The following CERT1 variants were observed in gnomAD, a reference collection of about 807,000 sequenced individuals.
CERT1 encodes the protein ceramide transfer protein.
A neutral mutation model predicts 87.9 loss-of-function variants in CERT1; 31 were observed. The observed-to-expected ratio is 0.35, with a 90% CI of 0.27 to 0.48. CERT1 has a LOEUF of 0.48. Ranked by LOEUF, CERT1 falls within the 20% of genes least tolerant of loss-of-function variation. CERT1 has a pLI of 0.99. For synonymous variants in CERT1, 289 were observed against 250.9 expected (o/e 1.15, Z -1.44); for missense variants, 487 against 758.0 (o/e 0.64, Z 4.20).
intron 5 of CERT1, among the ~76,000 whole-genome samples, chr5:75,420,983 A>T (rs773039727): frequency 5.3e-5 from 8 of 152,100 alleles, no homozygotes; most frequent in Admixed American, 2.6e-4. Context: ...CAGCCCAGCT[A>T]ATTTTTGTAG....
chr5:75,424,286 T>TGA (rs768826445), intron 5 of CERT1, among the ~76,000 whole-genome samples: 2 of 151,944 alleles, frequency 1.3e-5, no homozygotes, highest in African/African-American at 4.8e-5. Flanking sequence ...AGGGAGAGAC[T>TGA]GAGAGAGAGA....
intron 2 of CERT1, among the ~76,000 whole-genome samples, chr5:75,499,642 G>A (rs187060490): frequency 2.0e-5 from 3 of 152,270 alleles, no homozygotes; most frequent in Admixed American, 2.0e-4. Context: ...ACACAGTTAA[G>A]GTCTGAACCC....
Position 75,425,584 on chromosome 5 carries a change from AG to A in CERT1, c.457-86del. 8.9e-6 allele frequency: 12 copies of A among 1,354,836 alleles called. 1 individual carries two copies. In the Middle Eastern group the frequency reaches 2.2e-3, roughly 252 times the overall value. 83.9% of individuals were successfully genotyped at this position (1,354,836 alleles called of 1,614,324 possible). ...TCCTATGGTATTTCATCAACTTTTA[AG>A]GTCTGCACCTTATAACTGAGGGCAT... On this transcript the variant is annotated intron_variant, in intron 4 of 16. Transcript: ENST00000643780.
At chr5:75,503,916 A>AATTAAACATTTAAATTTGTTGTTT (rs1374804245) in intron 2 of CERT1, among the ~76,000 whole-genome samples, 1 of 151,672 alleles carries the variant, frequency 6.6e-6, no homozygotes, top group Admixed American at 6.6e-5. Context: ...GTTTAATTTA[A>AATTAAACATTTAAATTTGTTGTTT]AATTTTCTTT....
At chr5:75,462,588 G>GA (rs1479771952) in intron 2 of CERT1, among the ~76,000 whole-genome samples, 2 of 151,466 alleles carry the variant, frequency 1.3e-5, no homozygotes, top group Non-Finnish European at 3.0e-5. Context: ...CGATCTAAAG[G>GA]AAAAAAAGAC....
intron 2 of CERT1, among the ~76,000 whole-genome samples, chr5:75,480,608 C>CT (rs980676642): frequency 6.6e-6 from 1 of 152,208 alleles, no homozygotes; most frequent in African/African-American, 2.4e-5. Flanking sequence ...GGTCTCCAGA[C>CT]TTTTTTACTC....
chr5:75,511,302 G>A lies in CERT1; in HGVS notation c.-95C>T. 1.3e-6 allele frequency: 2 copies of A among 1,557,138 alleles called. No homozygotes were observed. Among genetic ancestry groups the A allele is most frequent in the South Asian group, 1.2e-5 (1 of 85,184 alleles). ...TCGGGGTGAAGGGTCGGGGGATGGC[G>A]AAGCGAAGAGTGCCCGCTCCGGTGT... On this transcript the variant is annotated 5_prime_UTR_variant, in exon 1 of 17. Coordinates refer to ENST00000643780, the MANE Select transcript of CERT1 (RefSeq NM_001379029.1).
intron 2 of CERT1, among the ~76,000 whole-genome samples, chr5:75,488,023 A>G (rs1766605182): frequency 6.6e-6 from 1 of 152,084 alleles, no homozygotes; most frequent in South Asian, 2.1e-4. Flanking sequence ...GAACTCATGA[A>G]AACAGAAAGT....
intron 3 of CERT1, among the ~76,000 whole-genome samples, chr5:75,451,010 C>A (rs1019470580): frequency 2.0e-5 from 3 of 152,150 alleles, no homozygotes; most frequent in African/African-American, 7.2e-5. Context: ...TCAAATACTG[C>A]AGGCAGGAAA....
intron 2 of CERT1, among the ~76,000 whole-genome samples, chr5:75,498,688 C>T (rs570614549): frequency 6.6e-6 from 1 of 152,340 alleles, no homozygotes; most frequent in South Asian, 2.1e-4. Flanking sequence ...CCTGGATGTC[C>T]AGGCATTAGT....
chr5:75,481,338 C>T (rs1159515847), intron 2 of CERT1, among the ~76,000 whole-genome samples: 2 of 152,288 alleles, frequency 1.3e-5, no homozygotes, highest in South Asian at 4.1e-4. Flanking sequence ...CACAGTTTTA[C>T]ATCCCTGAAA....
chr5:75,490,811 G>T (rs182717414), intron 2 of CERT1, among the ~76,000 whole-genome samples: 184 of 152,140 alleles, frequency 1.2e-3, no homozygotes, highest in African/African-American at 4.0e-3. Context: ...ATTTTCATTT[G>T]ACTCTATTTT....
At chr5:75,494,329 C>T (rs1766957213) in intron 2 of CERT1, among the ~76,000 whole-genome samples, 1 of 152,192 alleles carries the variant, frequency 6.6e-6, no homozygotes, top group African/African-American at 2.4e-5. Flanking sequence ...AAGACCCCAG[C>T]AACCTCCTGT....
intron 3 of CERT1, among the ~76,000 whole-genome samples, chr5:75,455,198 C>G (rs1764930136): frequency 6.6e-6 from 1 of 152,178 alleles, no homozygotes; most frequent in Non-Finnish European, 1.5e-5. Flanking sequence ...ATTGCACAAC[C>G]AATGTTTCAA....
chr5:75,497,017 AAGGT>A (rs1377972948), intron 2 of CERT1, among the ~76,000 whole-genome samples: 1 of 152,208 alleles, frequency 6.6e-6, no homozygotes, highest in Admixed American at 6.5e-5. Flanking sequence ...AAACCAAAAA[AAGGT>A]AGGAAACAAT....
At chr5:75,398,062 A>G (rs975653651) in intron 11 of CERT1, among the ~76,000 whole-genome samples, 4 of 152,168 alleles carry the variant, frequency 2.6e-5, no homozygotes, top group African/African-American at 9.7e-5. Flanking sequence ...TAAATGGACA[A>G]GCAAAAGGTA....
chr5:75,402,814 A>G, intron 9 of CERT1, 158 bp downstream of exon 9: 1 of 506,258 alleles, frequency 2.0e-6, no homozygotes. Flanking sequence ...AAAAAAAAAA[A>G]GATTATTTTA....
intron 3 of CERT1, among the ~76,000 whole-genome samples, chr5:75,443,861 G>A (rs1298669831): frequency 1.3e-5 from 2 of 152,216 alleles, no homozygotes; most frequent in East Asian, 3.9e-4. Flanking sequence ...TAGTCTTCTT[G>A]CTGCAGTGAA....
chr5:75,386,142 AT>A, intron 12 of CERT1, 108 bp from the exon 13 acceptor site: 1 of 842,842 alleles, frequency 1.2e-6, no homozygotes, highest in Non-Finnish European at 1.6e-6. Flanking sequence ...ATGAAAGTCT[AT>A]TTATAGAACA....
Sources: allele counts gnomAD v4.1 joint callset (sites outside exome capture counted in the v4.1 genomes callset), GRCh38; gene constraint gnomAD v4.1.1; transcripts MANE v1.5; gene names NCBI Gene and HGNC (gene_info 2026-07-23, HGNC 2026-07-21).